UBE2W: variants seen among roughly 807,000 people sequenced by gnomAD.
UBE2W encodes the protein ubiquitin conjugating enzyme E2 W.
Under a neutral mutation model 27.2 loss-of-function variants are expected in UBE2W, and 18 were observed. The observed-to-expected ratio is 0.66, with a 90% CI of 0.46 to 0.98. The LOEUF (loss-of-function observed/expected upper bound fraction) is 0.98. UBE2W is among the 50% of genes least tolerant of loss of function. UBE2W has a pLI of 0.00. For missense variants in UBE2W, 90 were observed against 180.2 expected (o/e 0.50, Z 2.87); for synonymous variants, 53 against 57.2 (o/e 0.93, Z 0.33).
chr8:73,798,094 T>C (rs1808494494), intron 5 of UBE2W, among the ~76,000 whole-genome samples: 1 of 152,104 alleles, frequency 6.6e-6, no homozygotes, highest in Non-Finnish European at 1.5e-5. Flanking sequence ...TTGAGACCAA[T>C]CTGGGCAACA....
chr8:73,832,487 A>C (rs2130912042), intron 1 of UBE2W, among the ~76,000 whole-genome samples: 1 of 152,346 alleles, frequency 6.6e-6, no homozygotes, highest in South Asian at 2.1e-4. Flanking sequence ...TTAAAAAAAT[A>C]GCTTTGAAGT....
rs535538530 is a variant in UBE2W at position 73,851,220 on chromosome 8, TTTGA to T, written c.16-20752_16-20749del. Among the ~76,000 whole-genome samples the T allele has an allele frequency of 3.2e-3, 484 of 151,436 alleles. 1 individual carries two copies. Among genetic ancestry groups the T allele is most frequent in the Middle Eastern group, 6.8e-3 (2 of 294 alleles). The stretch of plus-strand genomic sequence containing the variant: ...TTTTTTTTTTTTTGACACTCTTAAA[TTTGA>T]TTGTGAAGGGAAAGAAAGCAACAGG... On this transcript the variant is annotated intron_variant, in intron 1 of 5. Transcript: ENST00000602593.
intron 1 of UBE2W, among the ~76,000 whole-genome samples, chr8:73,841,691 C>A (rs1233974547): frequency 6.6e-6 from 1 of 152,104 alleles, no homozygotes; most frequent in East Asian, 1.9e-4. Flanking sequence ...AGAGTATATA[C>A]CCCGGATAAT....
rs1262882575 is a variant in UBE2W at position 73,837,282 on chromosome 8, G to A, written c.16-6810C>T. ...AATCCCAGCACTCTGGGAGGCCGAG[G>A]CAGGTGCATCACCTGAGGTCAGGAG... On this transcript the variant is annotated intron_variant, in intron 1 of 5. Coordinates refer to ENST00000602593, the MANE Select transcript of UBE2W (RefSeq NM_018299.6). 3.9e-5 allele frequency among the ~76,000 whole-genome samples: 6 copies of A among 152,380 alleles called. No homozygotes were observed. The South Asian group carries it at 1.0e-3, about 26-fold the overall frequency.
At chr8:73,814,097 G>C (rs1001157892) in intron 3 of UBE2W, among the ~76,000 whole-genome samples, 4 of 152,144 alleles carry the variant, frequency 2.6e-5, no homozygotes, top group African/African-American at 7.2e-5. Flanking sequence ...AACCAAGGCA[G>C]AATTTCTTCA....
At chr8:73,847,032 G>C (rs927074009) in intron 1 of UBE2W, among the ~76,000 whole-genome samples, 2 of 152,022 alleles carry the variant, frequency 1.3e-5, no homozygotes, top group Admixed American at 1.3e-4. Context: ...AGCTGGGCGT[G>C]GTGGCACGCA....
At chr8:73,837,427 T>C (rs1810355034) in intron 1 of UBE2W, among the ~76,000 whole-genome samples, 1 of 151,872 alleles carries the variant, frequency 6.6e-6, no homozygotes, top group East Asian at 1.9e-4. Flanking sequence ...GCAGGAGAAA[T>C]GTTTGAACCC....
In UBE2W at chr8:73,787,239, C is replaced by T; in HGVS notation, c.*6863G>A. 1.0e-6 allele frequency: 1 copy of T among 985,396 alleles called. No individual in the cohort carries two copies. The highest frequency in any genetic ancestry group is 1.2e-6 in the Non-Finnish European group (1 of 829,924). 61.0% of individuals were successfully genotyped at this position (985,396 alleles called of 1,614,324 possible). A position where few individuals can be genotyped will look rare whatever the true frequency, so the allele number is the denominator to read the frequency against. Reference sequence around the variant, plus strand: ...CTTTGAGCTTTGTTGTCCAAGTACACAAAACTCTTAGCTGTCTCACTTGCT... The same window carrying T: ...CTTTGAGCTTTGTTGTCCAAGTACATAAAACTCTTAGCTGTCTCACTTGCT... On this transcript the variant is annotated 3_prime_UTR_variant, in exon 6 of 6. Coordinates refer to ENST00000602593, the MANE Select transcript of UBE2W (RefSeq NM_018299.6).
chr8:73,802,497 G>T (rs1329438007), intron 5 of UBE2W, among the ~76,000 whole-genome samples: 5 of 152,102 alleles, frequency 3.3e-5, no homozygotes, highest in East Asian at 1.9e-4. Flanking sequence ...TCATATAATT[G>T]AATGTTTAAT....
intron 1 of UBE2W, among the ~76,000 whole-genome samples, chr8:73,849,989 A>G (rs1283033602): frequency 6.6e-6 from 1 of 152,218 alleles, no homozygotes; most frequent in Non-Finnish European, 1.5e-5. Context: ...TAACAACCTC[A>G]AAATAGATAA....
chr8:73,847,813 A>T (rs1810878601), intron 1 of UBE2W, among the ~76,000 whole-genome samples: 1 of 151,924 alleles, frequency 6.6e-6, no homozygotes, highest in Non-Finnish European at 1.5e-5. Flanking sequence ...GAGGCAGGAG[A>T]ATTGCTTGAA....
chr8:73,815,750 A>G (rs899727185), intron 3 of UBE2W, among the ~76,000 whole-genome samples: 2 of 152,240 alleles, frequency 1.3e-5, no homozygotes, highest in Non-Finnish European at 2.9e-5. Flanking sequence ...GTCAAAACAC[A>G]GTGTATATAA....
At chr8:73,867,515 C>T (rs1032442285) in intron 1 of UBE2W, among the ~76,000 whole-genome samples, 2 of 150,840 alleles carry the variant, frequency 1.3e-5, no homozygotes, top group African/African-American at 2.4e-5. Context: ...AGTCTGGCAA[C>T]AGGGCGAGAC....
intron 1 of UBE2W, among the ~76,000 whole-genome samples, chr8:73,855,998 GTT>G: frequency 6.6e-6 from 1 of 151,984 alleles, no homozygotes; most frequent in Non-Finnish European, 1.5e-5. Context: ...TTTATACATA[GTT>G]TATATTCTCA....
intron 5 of UBE2W, chr8:73,796,603 C>CCA: frequency 1.0e-6 from 1 of 973,064 alleles, no homozygotes; most frequent in Non-Finnish European, 1.2e-6. Context: ...ATGATACTAC[C>CCA]CACCTTTGAA....
intron 1 of UBE2W, 42 bp downstream of exon 1, chr8:73,878,766 G>T: frequency 6.6e-7 from 1 of 1,513,860 alleles, no homozygotes; most frequent in Non-Finnish European, 9.0e-7. Context: ...GCACTCTCTC[G>T]GCGGCTCCCT....
chr8:73,847,146 G>A (rs1810843803), intron 1 of UBE2W, among the ~76,000 whole-genome samples: 1 of 152,154 alleles, frequency 6.6e-6, no homozygotes, highest in South Asian at 2.1e-4. Context: ...TCCAGCCTGG[G>A]CGACAGAGTG....
At position 73,869,608 on chromosome 8, in the gene UBE2W, T is replaced by G. The variant is rs547610436; in HGVS notation, c.15+9200A>C. 5.9e-5 allele frequency among the ~76,000 whole-genome samples: 9 copies of G among 152,264 alleles called. No individual in the cohort carries two copies. In the South Asian group the frequency reaches 8.3e-4, roughly 14 times the overall value. On this transcript the variant is annotated intron_variant, in intron 1 of 5. Coordinates refer to ENST00000602593, the MANE Select transcript of UBE2W (RefSeq NM_018299.6). ...CGGGAGGCTGAAGCAGAAGAATTGC[T>G]TGAACCTGGGAGACGGAGGTTGCAA...
intron 1 of UBE2W, among the ~76,000 whole-genome samples, chr8:73,841,180 C>T (rs1271282556): frequency 1.3e-5 from 2 of 152,158 alleles, no homozygotes; most frequent in Admixed American, 6.5e-5. Context: ...ATTAATAGCA[C>T]TGCACTAATA....
Sources: gnomAD v4.1 joint callset for allele counts (sites outside exome capture counted in the v4.1 genomes callset) on GRCh38, gnomAD v4.1.1 for gene constraint, MANE v1.5 for transcripts, NCBI Gene and HGNC (gene_info 2026-07-23, HGNC 2026-07-21) for gene names.